The following TLCD3A variants were observed in gnomAD, a reference collection of about 807,000 sequenced individuals.
TLCD3A encodes the protein TLC domain containing 3A, also known as TLC domain-containing protein 3A.
TLCD3A carries 17 observed loss-of-function variants against 29.9 expected under a neutral mutation model. That is an observed-to-expected ratio of 0.57 (90% confidence interval 0.39 to 0.85). TLCD3A has a LOEUF of 0.85. Ranked by LOEUF, TLCD3A falls within the 40% of genes least tolerant of loss-of-function variation. The pLI is 0.00. For synonymous variants in TLCD3A, 143 were observed against 147.7 expected (o/e 0.97, Z 0.23); for missense variants, 332 against 350.8 (o/e 0.95, Z 0.43).
Position 741,243 on chromosome 17 carries a change from GCTCC to G in TLCD3A, c.505-55_505-52del, listed in dbSNP as rs760577431. 1,026 of 1,587,542 alleles carry G rather than the reference GCTCC, an allele frequency of 6.5e-4. 1 individual carries two copies. Among genetic ancestry groups the G allele is most frequent in the Non-Finnish European group, 8.2e-4 (958 of 1,162,354 alleles). ...TACTGTGGTGGGACTTGGGCCCGTCGCTCCCTGATGCCCAGCTTCTTGGTGACCT... is the reference window on the plus strand; with the variant it reads ...TACTGTGGTGGGACTTGGGCCCGTCGCTGATGCCCAGCTTCTTGGTGACCT... On this transcript the variant is annotated intron_variant, in intron 4 of 4. Transcript: ENST00000308278.
At position 742,089 on chromosome 17, in the gene TLCD3A, G is replaced by A. The variant is rs898695324; in HGVS notation, c.*519G>A. 2.5e-5 allele frequency: 4 copies of A among 162,122 alleles called. No homozygotes were observed. The highest frequency in any genetic ancestry group is 5.4e-5 in the Non-Finnish European group (4 of 74,118). The allele number at this position is 162,122 out of a possible 1,614,324, so 10.0% of individuals were successfully genotyped here. ...TTGATCGTTTACTAGATAACCCATTGGTTCTTTGCCTCATCCTCTCATCCA... is the reference window on the plus strand; with the variant it reads ...TTGATCGTTTACTAGATAACCCATTAGTTCTTTGCCTCATCCTCTCATCCA... On this transcript the variant is annotated 3_prime_UTR_variant, in exon 5 of 5. Coordinates refer to ENST00000308278, the MANE Select transcript of TLCD3A (RefSeq NM_024792.3).
At chr17:732,875 G>A in intron 1 of TLCD3A, 106 bp downstream of exon 1, 11 of 1,379,774 alleles carry the variant, frequency 8.0e-6, no homozygotes, top group South Asian at 1.6e-5. Flanking sequence ...GAAGCCCGGG[G>A]GCTGCTCCCT....
In TLCD3A at chr17:732,730, C is replaced by G; in HGVS notation, c.83C>G (p.Pro28Arg). The change falls in exon 1 of 5, where the codon CCC becomes CGC. Residue 28 changes from proline (P) to arginine (R), a missense_variant. Coordinates refer to ENST00000308278, the MANE Select transcript of TLCD3A (RefSeq NM_024792.3). ...ACCTGGGCGCTGCGCCGCTCCCAGC[C>G]CGGATGGAGCCGCACCGACTGCGTG... ...LCTWALRRSQ[P>R]GWSRTDCVMI... 6.9e-7 allele frequency: 1 copy of G among 1,444,570 alleles called. No individual in the cohort carries two copies. The allele number at this position is 1,444,570 out of a possible 1,614,324, so 89.5% of individuals were successfully genotyped here.
At chr17:734,491 T>G (rs1974124951) in intron 2 of TLCD3A, among the ~76,000 whole-genome samples, 1 of 151,812 alleles carries the variant, frequency 6.6e-6, no homozygotes, top group Admixed American at 6.6e-5. Flanking sequence ...TTTGTTGTTG[T>G]TGGTAGAGAC....
Position 732,703 on chromosome 17 carries a change from G to A in TLCD3A, c.56G>A (p.Cys19Tyr). 7.0e-7 allele frequency: 1 copy of A among 1,436,866 alleles called. No homozygotes were observed. 89.0% of individuals were successfully genotyped at this position (1,436,866 alleles called of 1,614,324 possible). The change falls in exon 1 of 5, where the codon TGC becomes TAC. Residue 19 changes from cysteine (C) to tyrosine (Y), a missense_variant. Physicochemically the swap from Cys to Tyr is radical, Grantham distance 194. Coordinates refer to ENST00000308278, the MANE Select transcript of TLCD3A (RefSeq NM_024792.3). The stretch of plus-strand genomic sequence containing the variant: ...TTCTTCCCGGGGCTCTTCGCGCTCT[G>A]CACCTGGGCGCTGCGCCGCTCCCAG... Reference protein sequence around the residue: ...ALFFPGLFALCTWALRRSQPG... With the variant: ...ALFFPGLFALYTWALRRSQPG...
Position 741,585 on chromosome 17 carries a change from C to T in TLCD3A, c.*15C>T. The T allele has an allele frequency of 6.2e-7, 1 of 1,608,380 alleles. No individual in the cohort carries two copies. On this transcript the variant is annotated 3_prime_UTR_variant, in exon 5 of 5. Transcript: ENST00000308278. ...AGGATGGCTAAATGCTCCTGGGAGT[C>T]AGGCGCAGCCTCACACCAGCTGCCT...
In TLCD3A at chr17:733,087, G is replaced by T; in HGVS notation, c.123-11G>T. 2 of 1,536,356 alleles carry T rather than the reference G, an allele frequency of 1.3e-6. No individual in the cohort carries two copies. Among genetic ancestry groups the T allele is most frequent in the Non-Finnish European group, 1.8e-6 (2 of 1,136,166 alleles). ...ACTGAGCGCGCGCGCTGTTCTCTCC[G>T]CCCGCGCTAGGCTGGTTTCCTCGGT... On this transcript the variant is annotated splice_polypyrimidine_tract_variant and intron_variant, in intron 1 of 4. Transcript: ENST00000308278.
rs1567772685 is a variant in TLCD3A at position 742,846 on chromosome 17, TGA to T, written c.*1278_*1279del. 1 of 152,650 alleles carries T rather than the reference TGA, an allele frequency of 6.6e-6. No individual in the cohort carries two copies. Among genetic ancestry groups the T allele is most frequent in the Non-Finnish European group, 1.5e-5 (1 of 68,052 alleles). 9.5% of individuals were successfully genotyped at this position (152,650 alleles called of 1,614,324 possible). ...GACTGATTTGTCTCATTTTGACTGT[TGA>T]GTCTTTAATGGGTGCCATTTAAAAA... On this transcript the variant is annotated 3_prime_UTR_variant, in exon 5 of 5. Transcript: ENST00000308278.
chr17:735,055 C>T (rs933092838), intron 2 of TLCD3A, among the ~76,000 whole-genome samples: 1 of 151,950 alleles, frequency 6.6e-6, no homozygotes, highest in African/African-American at 2.4e-5. Flanking sequence ...TGGAGTCTCA[C>T]TCTGTCACTC....
intron 2 of TLCD3A, among the ~76,000 whole-genome samples, chr17:733,551 C>G (rs577900783): frequency 6.6e-6 from 1 of 152,168 alleles, no homozygotes; most frequent in Non-Finnish European, 1.5e-5. Flanking sequence ...AGCAGAGCCC[C>G]CTCCATGGAA....
Position 740,566 on chromosome 17 carries a change from C to T in TLCD3A, c.470C>T (p.Thr157Ile). The T allele has an allele frequency of 6.2e-7, 1 of 1,614,008 alleles. No homozygotes were observed. The highest frequency in any genetic ancestry group is 1.1e-5 in the South Asian group (1 of 91,064). The change falls in exon 4 of 5, where the codon ACT (threonine) becomes ATT (isoleucine). Residue 157 changes from threonine (T) to isoleucine (I), a missense_variant. Thr to Ile is a moderately conservative substitution (Grantham distance 89, BLOSUM62 -1). Coordinates refer to ENST00000308278, the MANE Select transcript of TLCD3A (RefSeq NM_024792.3). ...TGCATCTTCACGGCAGAACTGAGCA[C>T]TCCGTTTGTGTCGCTGGGCAGGGTT... ...VGCIFTAELSTPFVSLGRVLI... is the reference protein window; with the variant it reads ...VGCIFTAELSIPFVSLGRVLI...
intron 3 of TLCD3A, 50 bp downstream of exon 3, chr17:738,097 T>TTTTTTTTTC (rs1555595621): frequency 3.5e-6 from 3 of 851,822 alleles, no homozygotes; most frequent in Non-Finnish European, 4.7e-6. Flanking sequence ...GCTGGGTGTC[T>TTTTTTTTTC]TTTTTTTTTT....
chr17:739,902 C>G lies in TLCD3A; in HGVS notation c.409-603C>G, dbSNP rs148639805. On this transcript the variant is annotated intron_variant, in intron 3 of 4. Transcript: ENST00000308278. ...CTCTACTAAAAATACAAAAATTAGCCGGGTGTGATGCTGTACATCTGTAGT... is the reference window on the plus strand; with the variant it reads ...CTCTACTAAAAATACAAAAATTAGCGGGGTGTGATGCTGTACATCTGTAGT... 2.0e-5 allele frequency among the ~76,000 whole-genome samples: 3 copies of G among 152,108 alleles called. No homozygotes were observed. The East Asian group carries it at 5.8e-4, about 30-fold the overall frequency.
intron 3 of TLCD3A, 90 bp from the exon 4 acceptor site, chr17:740,415 G>A: frequency 1.0e-6 from 1 of 958,626 alleles, no homozygotes; most frequent in South Asian, 1.3e-5. Context: ...GCCCGTCACA[G>A]TTACCCTTTT....
intron 1 of TLCD3A, 155 bp downstream of exon 1, chr17:732,924 G>C (rs978723215): frequency 7.4e-7 from 1 of 1,360,494 alleles, no homozygotes; most frequent in African/African-American, 1.5e-5. Flanking sequence ...GCCCCTCCGC[G>C]TCCTCCCCTG....
intron 1 of TLCD3A, 164 bp from the exon 2 acceptor site, chr17:732,934 G>A: frequency 7.2e-7 from 1 of 1,380,524 alleles, no homozygotes; most frequent in Non-Finnish European, 9.5e-7. Flanking sequence ...GTCCTCCCCT[G>A]GCGGGAGCGG....
At chr17:739,273 C>G (rs1974212461) in intron 3 of TLCD3A, among the ~76,000 whole-genome samples, 1 of 152,154 alleles carries the variant, frequency 6.6e-6, no homozygotes, top group Non-Finnish European at 1.5e-5. Context: ...ACTGCAACCT[C>G]TGCCTCCCGG....
At chr17:737,749 G>T in intron 2 of TLCD3A, 97 bp from the exon 3 acceptor site, 3 of 1,110,920 alleles carry the variant, frequency 2.7e-6, no homozygotes, top group Non-Finnish European at 4.1e-6. Flanking sequence ...TAAAGTATTT[G>T]GAATAATAAT....
chr17:735,085 A>G (rs1224334487), intron 2 of TLCD3A, among the ~76,000 whole-genome samples: 1 of 151,776 alleles, frequency 6.6e-6, no homozygotes, highest in Non-Finnish European at 1.5e-5. Flanking sequence ...TGCAGTGGTG[A>G]GGTCTCGGCT....
Sources: allele counts gnomAD v4.1 joint callset (sites outside exome capture counted in the v4.1 genomes callset), GRCh38; gene constraint gnomAD v4.1.1; transcripts MANE v1.5; gene names NCBI Gene and HGNC (gene_info 2026-07-23, HGNC 2026-07-21).